The following TPD52L1 variants were observed in gnomAD, a reference collection of about 807,000 sequenced individuals.
TPD52L1 encodes the protein TPD52 like 1.
TPD52L1 carries 18 observed loss-of-function variants against 28.7 expected under a neutral mutation model. That is an observed-to-expected ratio of 0.63 (90% CI 0.43 to 0.93). The LOEUF (loss-of-function observed/expected upper bound fraction) is 0.93. Ranked by LOEUF, TPD52L1 falls within the 40% of genes least tolerant of loss-of-function variation. The pLI is 0.00. For missense variants in TPD52L1, 203 were observed against 254.8 expected (o/e 0.80, Z 1.39); for synonymous variants, 75 against 88.8 (o/e 0.84, Z 0.88).
At chr6:125,173,359 T>C (rs1368957889) in intron 1 of TPD52L1, among the ~76,000 whole-genome samples, 1 of 152,216 alleles carries the variant, frequency 6.6e-6, no homozygotes, top group Non-Finnish European at 1.5e-5. Context: ...GTCCTCCCTA[T>C]TGTAAATCTA....
intron 1 of TPD52L1, among the ~76,000 whole-genome samples, chr6:125,209,803 A>G (rs1794381731): frequency 6.6e-6 from 1 of 152,220 alleles, no homozygotes; most frequent in Admixed American, 6.5e-5. Context: ...TAGACCATTT[A>G]TTGCAGACAA....
chr6:125,207,090 A>T (rs1262488889), intron 1 of TPD52L1, among the ~76,000 whole-genome samples: 1 of 152,170 alleles, frequency 6.6e-6, no homozygotes, highest in Non-Finnish European at 1.5e-5. Flanking sequence ...TTCAACAAAC[A>T]TTGGTTGATC....
intron 1 of TPD52L1, among the ~76,000 whole-genome samples, chr6:125,198,738 C>A (rs1029312486): frequency 4.6e-5 from 7 of 152,200 alleles, no homozygotes; most frequent in Non-Finnish European, 8.8e-5. Context: ...TTGAGCAGAG[C>A]TTCCTCAATG....
At chr6:125,195,839 C>G (rs1295508394) in intron 1 of TPD52L1, among the ~76,000 whole-genome samples, 3 of 152,162 alleles carry the variant, frequency 2.0e-5, no homozygotes, top group Admixed American at 6.5e-5. Context: ...AAGCCTGTCT[C>G]CAGTCACTCC....
chr6:125,229,761 T>A (rs1795832786), intron 3 of TPD52L1, among the ~76,000 whole-genome samples: 1 of 152,208 alleles, frequency 6.6e-6, no homozygotes, highest in Admixed American at 6.5e-5. Context: ...TTCTCACTAT[T>A]CTAGGGAATA....
chr6:125,226,706 A>G (rs1229447700), intron 2 of TPD52L1, among the ~76,000 whole-genome samples: 1 of 151,062 alleles, frequency 6.6e-6, no homozygotes, highest in Non-Finnish European at 1.5e-5. Flanking sequence ...CAGTAATTTC[A>G]GTCACTCTAA....
intron 1 of TPD52L1, among the ~76,000 whole-genome samples, chr6:125,198,715 G>T (rs140156768): frequency 1.1e-3 from 167 of 152,314 alleles, no homozygotes; most frequent in African/African-American, 3.9e-3. Context: ...GCATGCAGCT[G>T]TCTCTGTGTC....
chr6:125,218,844 C>T (rs1415403514), intron 1 of TPD52L1, among the ~76,000 whole-genome samples: 3 of 152,118 alleles, frequency 2.0e-5, no homozygotes, highest in African/African-American at 7.2e-5. Context: ...TGTCACACGA[C>T]CATGAAAGAT....
At position 125,231,634 on chromosome 6, in the gene TPD52L1, T is replaced by TTG. The variant is rs1284421057; in HGVS notation, c.284+2369_284+2370insGT. ...TTTGTTGTTGTTGTTGTTGTTGTTG[T>TTG]TTGTTTGTTTGTTTATACGACAAAA... On this transcript the variant is annotated intron_variant, in intron 3 of 6. Transcript: ENST00000534000. Among the ~76,000 whole-genome samples, 7 of 143,934 alleles carry TTG rather than the reference T, an allele frequency of 4.9e-5. No homozygotes were observed. In the East Asian group the frequency reaches 8.0e-4, roughly 17 times the overall value. 94.4% of individuals were successfully genotyped at this position (143,934 alleles called of 152,430 possible).
At chr6:125,173,595 C>G (rs1421029761) in intron 1 of TPD52L1, among the ~76,000 whole-genome samples, 1 of 152,082 alleles carries the variant, frequency 6.6e-6, no homozygotes, top group African/African-American at 2.4e-5. Flanking sequence ...GAGATCCTGC[C>G]CAGCTCGTTC....
At chr6:125,154,844 G>C (rs1790008891) in intron 1 of TPD52L1, among the ~76,000 whole-genome samples, 1 of 152,146 alleles carries the variant, frequency 6.6e-6, no homozygotes, top group Non-Finnish European at 1.5e-5. Context: ...ATGGCTTGCG[G>C]AGTTCAGCCT....
At chr6:125,172,113 TTTC>T (rs1791372700) in intron 1 of TPD52L1, among the ~76,000 whole-genome samples, 1 of 57,682 alleles carries the variant, frequency 1.7e-5, no homozygotes, top group Non-Finnish European at 3.2e-5. Context: ...TCTTTCTTTC[TTTC>T]TTTCTTTCTT....
intron 1 of TPD52L1, among the ~76,000 whole-genome samples, chr6:125,186,417 T>G (rs1022181013): frequency 1.3e-5 from 2 of 152,128 alleles, no homozygotes; most frequent in Non-Finnish European, 2.9e-5. Flanking sequence ...CAGGTCATAG[T>G]TTGTCAAACC....
At chr6:125,175,333 C>A (rs1791755367) in intron 1 of TPD52L1, among the ~76,000 whole-genome samples, 1 of 152,082 alleles carries the variant, frequency 6.6e-6, no homozygotes, top group Admixed American at 6.5e-5. Context: ...GACGTTTCAA[C>A]TTTTATAAGA....
chr6:125,248,568 G>C, intron 4 of TPD52L1, 185 bp downstream of exon 4: 1 of 570,566 alleles, frequency 1.8e-6, no homozygotes, highest in South Asian at 2.2e-5. Flanking sequence ...CTGCCTGAAG[G>C]TCAGGCTTAG....
At chr6:125,186,265 T>G (rs530182079) in intron 1 of TPD52L1, among the ~76,000 whole-genome samples, 3 of 152,342 alleles carry the variant, frequency 2.0e-5, no homozygotes, top group African/African-American at 7.2e-5. Flanking sequence ...TTAGGCTTTT[T>G]GGATCATACC....
intron 1 of TPD52L1, among the ~76,000 whole-genome samples, chr6:125,156,462 T>TAAAAAA (rs1790127922): frequency 3.1e-5 from 1 of 32,500 alleles, no homozygotes; most frequent in African/African-American, 1.6e-4. Flanking sequence ...AGACCTTGTC[T>TAAAAAA]CAAAAAAAAA....
intron 3 of TPD52L1, among the ~76,000 whole-genome samples, chr6:125,247,343 T>C (rs1056325396): frequency 1.3e-4 from 20 of 152,174 alleles, no homozygotes; most frequent in African/African-American, 4.8e-4. Flanking sequence ...TATGTACCTT[T>C]TATTTCCCAC....
At chr6:125,166,850 G>A (rs147902280) in intron 1 of TPD52L1, among the ~76,000 whole-genome samples, 258 of 152,106 alleles carry the variant, frequency 1.7e-3, no homozygotes, top group African/African-American at 6.0e-3. Context: ...ATGTCTAGAA[G>A]AGAAGAAAGA....
Sources: allele counts gnomAD v4.1 joint callset (sites outside exome capture counted in the v4.1 genomes callset), GRCh38; gene constraint gnomAD v4.1.1; transcripts MANE v1.5; gene names NCBI Gene and HGNC (gene_info 2026-07-23, HGNC 2026-07-21).